SULF1: variants seen among roughly 807,000 people sequenced by gnomAD.
SULF1 encodes extracellular sulfatase Sulf-1.
SULF1 carries 46 observed loss-of-function variants against 110.5 expected under a neutral mutation model. That is an observed-to-expected ratio of 0.42 (90% CI 0.33 to 0.53). The LOEUF (loss-of-function observed/expected upper bound fraction) is 0.53. SULF1 is among the 20% of genes least tolerant of loss of function. The pLI is 0.12. For synonymous variants in SULF1, 371 were observed against 387.1 expected, an observed-to-expected ratio of 0.96 and a Z score of 0.49; for missense variants, 941 against 1,094.2, an observed-to-expected ratio of 0.86 and a Z score of 1.98.
chr8:69,467,254 T>C (rs1206465722), intron 1 of SULF1, among the ~76,000 whole-genome samples: 1 of 152,242 alleles, frequency 6.6e-6, no homozygotes, highest in East Asian at 1.9e-4. Flanking sequence ...AGAGGATAGA[T>C]AAGGCTGAGA....
intron 3 of SULF1, among the ~76,000 whole-genome samples, chr8:69,526,858 G>A (rs1432011986): frequency 6.7e-6 from 1 of 149,902 alleles, no homozygotes; most frequent in Non-Finnish European, 1.5e-5. Flanking sequence ...AGGAAGGAAG[G>A]AAAGAAGGAG....
intron 3 of SULF1, among the ~76,000 whole-genome samples, chr8:69,528,548 A>G (rs932177723): frequency 1.3e-5 from 2 of 152,184 alleles, no homozygotes; most frequent in Non-Finnish European, 2.9e-5. Flanking sequence ...GTACTGGTAA[A>G]CTCTGACCAG....
At chr8:69,625,784 G>A (rs1047810283) in intron 15 of SULF1, among the ~76,000 whole-genome samples, 1 of 152,144 alleles carries the variant, frequency 6.6e-6, no homozygotes, top group Admixed American at 6.5e-5. Flanking sequence ...AGTGTGGAAG[G>A]GGACCCAGGC....
chr8:69,526,500 G>A (rs1188709906), intron 3 of SULF1, among the ~76,000 whole-genome samples: 1 of 151,236 alleles, frequency 6.6e-6, no homozygotes, highest in Non-Finnish European at 1.5e-5. Flanking sequence ...AGTAGCTCAT[G>A]CCTATAATCC....
At position 69,624,074 on chromosome 8, in the gene SULF1, G is replaced by A. The variant is rs758690728; in HGVS notation, c.1727G>A (p.Arg576His). The change falls in exon 15 of 23, where the codon CGT becomes CAT. Residue 576 changes from arginine (R) to histidine (H), a missense_variant. By Grantham distance (29) the Arg-to-His change is conservative. This residue lies in a region of SULF1 where 822 missense variants were observed against 934.3 expected (regional missense o/e 0.88). Transcript: ENST00000402687. ...QVLQPRNIAK[R>H]HDEGHKGPRD... The stretch of plus-strand genomic sequence containing the variant: ...TTGCAACCAAGAAACATTGCTAAGC[G>A]TCATGATGAAGGCCACAAGGGGCCA... The A allele has an allele frequency of 1.4e-4, 222 of 1,614,034 alleles. 1 individual carries two copies. Among genetic ancestry groups the A allele is most frequent in the South Asian group, 2.7e-4 (25 of 91,084 alleles).
At chr8:69,503,351 C>T (rs1385642237) in intron 3 of SULF1, among the ~76,000 whole-genome samples, 2 of 152,112 alleles carry the variant, frequency 1.3e-5, no homozygotes, top group Non-Finnish European at 2.9e-5. Flanking sequence ...GTATCAGATG[C>T]TTGTCATAAA....
intron 14 of SULF1, 129 bp from the exon 15 acceptor site, chr8:69,623,813 G>A (rs1809794544): frequency 1.1e-5 from 12 of 1,100,892 alleles, no homozygotes; most frequent in East Asian, 5.1e-5. Context: ...CAGGCACCAC[G>A]ATGCCACTCA....
chr8:69,485,778 T>C (rs1809681149), intron 1 of SULF1, among the ~76,000 whole-genome samples: 1 of 152,240 alleles, frequency 6.6e-6, no homozygotes, highest in African/African-American at 2.4e-5. Flanking sequence ...TTGTAATCTA[T>C]GCCTCTACGT....
chr8:69,602,272 G>C (rs1016407854), intron 10 of SULF1, among the ~76,000 whole-genome samples: 1 of 152,186 alleles, frequency 6.6e-6, no homozygotes, highest in Non-Finnish European at 1.5e-5. Context: ...AAAGGAAAAA[G>C]AGCTAAAGGA....
Position 69,621,217 on chromosome 8 carries a change from T to A in SULF1, c.1560T>A (p.Ser520Arg). 6.2e-7 allele frequency: 1 copy of A among 1,613,514 alleles called. No homozygotes were observed. The highest frequency in any genetic ancestry group is 8.5e-7 in the Non-Finnish European group (1 of 1,179,722). Residue 520 changes from serine to arginine, a missense_variant, in exon 14 of 23, where the codon AGT becomes AGA. By Grantham distance (110) the Ser-to-Arg change is moderately radical. This residue lies in a region of SULF1 where 822 missense variants were observed against 934.3 expected (regional missense o/e 0.88). Transcript: ENST00000402687. ...GTGCCAGCAGAAGCCAAAGAAAGAG[T>A]CAACGGCAATTCTTGAGAAACCAGG... is the stretch of plus-strand genomic sequence containing the variant. ...GYRASRSQRK[S>R]QRQFLRNQGT...
chr8:69,580,737 G>A (rs184031858), intron 6 of SULF1, among the ~76,000 whole-genome samples: 238 of 152,168 alleles, frequency 1.6e-3, no homozygotes, highest in African/African-American at 5.4e-3. Flanking sequence ...AGGTAGAAGG[G>A]ACAATATTTA....
At chr8:69,566,468 G>T (rs758640863) in intron 5 of SULF1, among the ~76,000 whole-genome samples, 1 of 152,144 alleles carries the variant, frequency 6.6e-6, no homozygotes, top group Admixed American at 6.5e-5. Context: ...ATGGTGAAGG[G>T]TTATAGACCA....
At chr8:69,488,832 G>A (rs1809802098), upstream of SULF1, among the ~76,000 whole-genome samples, 1 of 152,014 alleles carries the variant, frequency 6.6e-6, no homozygotes, top group African/African-American at 2.4e-5. Context: ...GGTTGCACCG[G>A]GAACAGAGTG....
Position 69,638,544 on chromosome 8 carries a change from A to T in SULF1, c.2327A>T (p.Tyr776Phe), listed in dbSNP as rs2130671603. 1 of 1,613,726 alleles carries T rather than the reference A, an allele frequency of 6.2e-7. No individual in the cohort carries two copies. The highest frequency in any genetic ancestry group is 1.7e-5 in the Admixed American group (1 of 59,944). ...TGCACGAGTTCTAACAATAACACCT[A>T]CTGGTGTTTGCGTACAGTTAATGAG... Reference protein sequence around the residue: ...CACTSSNNNTYWCLRTVNETH... With the variant: ...CACTSSNNNTFWCLRTVNETH... Residue 776 changes from tyrosine (Y) to phenylalanine (F), a missense_variant, in exon 20 of 23, where the codon TAC (tyrosine) becomes TTC (phenylalanine). This residue lies in a region of SULF1 where 112 missense variants were observed against 133.5 expected (regional missense o/e 0.84). Transcript: ENST00000402687.
intron 3 of SULF1, among the ~76,000 whole-genome samples, chr8:69,517,675 G>C (rs971094450): frequency 9.2e-5 from 14 of 152,140 alleles, no homozygotes; most frequent in African/African-American, 3.4e-4. Context: ...TATGGGGTGA[G>C]TTAATTTTAA....
intron 3 of SULF1, among the ~76,000 whole-genome samples, chr8:69,503,427 G>T (rs934584360): frequency 2.6e-5 from 4 of 152,146 alleles, no homozygotes; most frequent in Admixed American, 2.6e-4. Context: ...AAGCTCTAAC[G>T]TAAGAAGGAA....
At chr8:69,644,412 A>T (rs560563329) in intron 22 of SULF1, among the ~76,000 whole-genome samples, 1 of 152,270 alleles carries the variant, frequency 6.6e-6, no homozygotes, top group Admixed American at 6.5e-5. Context: ...AGGGAATTTC[A>T]GTGATATGAA....
intron 3 of SULF1, among the ~76,000 whole-genome samples, chr8:69,554,058 C>T (rs1459374534): frequency 6.6e-6 from 1 of 152,170 alleles, no homozygotes; most frequent in African/African-American, 2.4e-5. Context: ...TTGAAATGGC[C>T]TCTGGTGACC....
chr8:69,488,265 G>GA (rs1424721054), upstream of SULF1, among the ~76,000 whole-genome samples: 3 of 152,172 alleles, frequency 2.0e-5, no homozygotes, highest in Non-Finnish European at 2.9e-5. Context: ...GTGGAGATGA[G>GA]AAAAAATTCT....
Sources: gnomAD v4.1 joint callset for allele counts (sites outside exome capture counted in the v4.1 genomes callset) on GRCh38, gnomAD v4.1.1 for gene constraint, gnomAD v4.1.1 regional missense constraint, MANE v1.5 for transcripts, NCBI Gene and HGNC (gene_info 2026-07-23, HGNC 2026-07-21) for gene names.